LIN7B: variants seen among roughly 807,000 people sequenced by gnomAD.
LIN7B encodes the protein lin-7 cell polarity scaffold B, also known as protein lin-7 homolog B.
LIN7B carries 16 observed loss-of-function variants against 27.9 expected under a neutral mutation model. The ratio of observed to expected loss-of-function variants is 0.57; its 90% CI spans 0.39 to 0.87. The LOEUF is 0.87. Ranked by LOEUF, LIN7B falls within the 40% of genes least tolerant of loss-of-function variation. LIN7B has a pLI of 0.00. For synonymous variants in LIN7B, 147 were observed against 120.8 expected (o/e 1.22, Z -1.42); for missense variants, 291 against 288.5 (o/e 1.01, Z -0.06).
intron 3 of LIN7B, 117 bp from the exon 4 acceptor site, chr19:49,116,146 C>T: frequency 1.3e-6 from 1 of 759,244 alleles, no homozygotes; most frequent in South Asian, 1.8e-5. Flanking sequence ...TGACAAGTGT[C>T]CCATGCTTGG....
chr19:49,116,505 A>G (rs369606651), intron 4 of LIN7B, 33 bp downstream of exon 4: 1 of 1,574,812 alleles, frequency 6.3e-7, no homozygotes, highest in African/African-American at 1.3e-5. Flanking sequence ...ACTGGGGGAC[A>G]CAGTCTGTCT....
intron 2 of LIN7B, 143 bp downstream of exon 2, chr19:49,115,110 G>T (rs1482921217): frequency 3.3e-6 from 3 of 903,898 alleles, no homozygotes; most frequent in Non-Finnish European, 4.8e-6. Flanking sequence ...CAGCTCAGGG[G>T]TTCTTCGGGA....
chr19:49,115,361 T>G, intron 3 of LIN7B, 30 bp downstream of exon 3: 2 of 1,535,498 alleles, frequency 1.3e-6, no homozygotes, highest in Non-Finnish European at 1.8e-6. Flanking sequence ...GCTCCTGGTG[T>G]CTATTTAACT....
intron 2 of LIN7B, 68 bp from the exon 3 acceptor site, chr19:49,115,192 G>A: frequency 1.0e-5 from 14 of 1,406,428 alleles, no homozygotes; most frequent in Non-Finnish European, 1.4e-5. Flanking sequence ...AGGGTCTAGA[G>A]GCCTGAACTC....
At chr19:49,115,037 C>T in intron 2 of LIN7B, 70 bp downstream of exon 2, 1 of 1,114,796 alleles carries the variant, frequency 9.0e-7, no homozygotes, top group South Asian at 1.8e-5. Context: ...CTGCTTGTCC[C>T]GAGCCCGGAG....
chr19:49,115,633 C>T lies in LIN7B; in HGVS notation c.228+302C>T, dbSNP rs2040813676. 4 of 282,202 alleles carry T rather than the reference C, an allele frequency of 1.4e-5. No individual in the cohort carries two copies. The South Asian group carries it at 1.7e-4, about 12-fold the overall frequency. The allele number at this position is 282,202 out of a possible 1,614,324, so 17.5% of individuals were successfully genotyped here. ...ACTGCACAATAGTTAGATGCTGCTA[C>T]CTCTTGCTGCTGTCCGGAGGCTCAG... On this transcript the variant is annotated intron_variant, in intron 3 of 5. Coordinates refer to ENST00000221459, the MANE Select transcript of LIN7B (RefSeq NM_022165.3).
At chr19:49,117,416 T>C (rs550371721) in intron 4 of LIN7B, among the ~76,000 whole-genome samples, 93 of 152,022 alleles carry the variant, frequency 6.1e-4, no homozygotes, top group African/African-American at 2.2e-3. Context: ...TAAACTCAGC[T>C]TGCAGGTGCA....
intron 3 of LIN7B, 162 bp from the exon 4 acceptor site, chr19:49,116,101 G>T (rs547089565): frequency 3.4e-6 from 2 of 596,826 alleles, no homozygotes; most frequent in Non-Finnish European, 5.9e-6. Flanking sequence ...AGAAAGAGAC[G>T]CACAGTCATT....
chr19:49,117,703 G>C, intron 4 of LIN7B, 152 bp from the exon 5 acceptor site: 2 of 665,376 alleles, frequency 3.0e-6, no homozygotes, highest in South Asian at 3.6e-5. Flanking sequence ...GGAGGACACT[G>C]AACCAGGAGT....
intron 4 of LIN7B, among the ~76,000 whole-genome samples, chr19:49,117,591 G>A (rs2040849350): frequency 6.6e-6 from 1 of 151,870 alleles, no homozygotes; most frequent in African/African-American, 2.4e-5. Flanking sequence ...GGACATTAGT[G>A]GGCTGTGGGC....
intron 4 of LIN7B, among the ~76,000 whole-genome samples, 197 bp from the exon 5 acceptor site, chr19:49,117,658 C>A (rs1429870159): frequency 6.6e-6 from 1 of 152,108 alleles, no homozygotes; most frequent in Non-Finnish European, 1.5e-5. Context: ...GAACACGGGG[C>A]TGTCCCTGAC....
Position 49,116,275 on chromosome 19 carries a change from G to A in LIN7B, c.241G>A (p.Ala81Thr), listed in dbSNP as rs745619980. 2 of 1,613,210 alleles carry A rather than the reference G, an allele frequency of 1.2e-6. No individual in the cohort carries two copies. Among genetic ancestry groups the A allele is most frequent in the Non-Finnish European group, 1.7e-6 (2 of 1,179,496 alleles). ...TTCTCTCTCCCAGGCCACAGTGGCT[G>A]CCTTCACAGCCAGCGAGGGCCACGC... ...AHATAKATVAAFTASEGHAHP... is the reference protein window; with the variant it reads ...AHATAKATVATFTASEGHAHP... The change falls in exon 4 of 6, where the codon GCC becomes ACC. Residue 81 changes from alanine to threonine, a missense_variant. Coordinates refer to ENST00000221459, the MANE Select transcript of LIN7B (RefSeq NM_022165.3).
intron 2 of LIN7B, 42 bp downstream of exon 2, chr19:49,115,009 GTCCTCC>G (rs758928460): frequency 1.8e-5 from 22 of 1,238,908 alleles, no homozygotes; most frequent in Admixed American, 3.1e-5. Context: ...GGTGGCCGTC[GTCCTCC>G]TCCTCCTCCT....
At position 49,114,840 on chromosome 19, in the gene LIN7B, GC is replaced by G; in HGVS notation, c.38-5del. The G allele has an allele frequency of 7.0e-7, 1 of 1,421,872 alleles. No individual in the cohort carries two copies. The highest frequency in any genetic ancestry group is 9.2e-7 in the Non-Finnish European group (1 of 1,088,204). 88.1% of individuals were successfully genotyped at this position (1,421,872 alleles called of 1,614,324 possible). A position where few individuals can be genotyped will look rare whatever the true frequency, so the allele number is the denominator to read the frequency against. ...CTCGGGGTTTCTGCGCCCCGCCCCC[GC>G]CCCGCAGACGTGTCCCGGGCGGTTG... On this transcript the variant is annotated splice_polypyrimidine_tract_variant and splice_region_variant and intron_variant, in intron 1 of 5. Coordinates refer to ENST00000221459, the MANE Select transcript of LIN7B (RefSeq NM_022165.3).
At chr19:49,114,827 G>GCGCCCCGCCCC (rs766521475) in intron 1 of LIN7B, 22 bp from the exon 2 acceptor site, 10 of 1,386,266 alleles carry the variant, frequency 7.2e-6, no homozygotes, top group Non-Finnish European at 8.5e-6. Flanking sequence ...CGGGGTTTCT[G>GCGCCCCGCCCC]CGCCCCGCCC....
At chr19:49,117,429 A>G (rs905484360) in intron 4 of LIN7B, among the ~76,000 whole-genome samples, 2 of 152,006 alleles carry the variant, frequency 1.3e-5, no homozygotes, top group Non-Finnish European at 2.9e-5. Flanking sequence ...CAGGTGCAGA[A>G]GGACCACTCT....
intron 5 of LIN7B, 142 bp downstream of exon 5, chr19:49,118,160 C>T (rs2040866163): frequency 1.4e-6 from 2 of 1,436,810 alleles, no homozygotes; most frequent in South Asian, 1.3e-5. Flanking sequence ...GGCCCAGGCT[C>T]TCACCCCAGG....
At position 49,118,460 on chromosome 19, in the gene LIN7B, A is replaced by G; in HGVS notation, c.*87A>G. On this transcript the variant is annotated 3_prime_UTR_variant, in exon 6 of 6. Coordinates refer to ENST00000221459, the MANE Select transcript of LIN7B (RefSeq NM_022165.3). ...CTTTATTTAAAGATATTTGACCCTC[A>G]CTGAGTGTCTGTGTGTCTGTCCTGC... 1 of 1,576,304 alleles carries G rather than the reference A, an allele frequency of 6.3e-7. No homozygotes were observed. Among genetic ancestry groups the G allele is most frequent in the South Asian group, 1.1e-5 (1 of 90,216 alleles).
chr19:49,115,260 G>C lies in LIN7B; in HGVS notation c.157G>C (p.Val53Leu). Residue 53 changes from valine (V) to leucine (L), a missense_variant and splice_region_variant, in exon 3 of 6, where the codon GTG becomes CTG. Val to Leu is a conservative substitution (Grantham distance 32, BLOSUM62 1). Transcript: ENST00000221459. ...CTGATGCCGCTGCCTCCTCACCCAG[G>C]TGTATGAGCAGCTTTATGACACGCT... ...QSRFCSAIREVYEQLYDTLDI... is the reference protein window; with the variant it reads ...QSRFCSAIRELYEQLYDTLDI... 6.4e-7 allele frequency: 1 copy of C among 1,554,508 alleles called. No homozygotes were observed. The highest frequency in any genetic ancestry group is 8.7e-7 in the Non-Finnish European group (1 of 1,148,334).
Sources: gnomAD v4.1 joint callset for allele counts (sites outside exome capture counted in the v4.1 genomes callset) on GRCh38, gnomAD v4.1.1 for gene constraint, MANE v1.5 for transcripts, NCBI Gene and HGNC (gene_info 2026-07-23, HGNC 2026-07-21) for gene names.